Variants in SRPK2 observed in about 807,000 individuals in gnomAD.
SRPK2 encodes the protein SFRS protein kinase 2.
In SRPK2, 21 loss-of-function variants were observed where a neutral mutation model predicts 90.8. That is an observed-to-expected ratio of 0.23 (90% confidence interval 0.16 to 0.33). SRPK2 has a LOEUF of 0.33. Among genes scored for constraint, SRPK2 ranks in the 10% least tolerant of loss-of-function variants. The pLI is 1.00. For missense variants in SRPK2, 620 were observed against 869.0 expected (o/e 0.71, Z 3.60); for synonymous variants, 288 against 311.1 (o/e 0.93, Z 0.78).
intron 2 of SRPK2, among the ~76,000 whole-genome samples, chr7:105,305,003 T>C (rs1311213266): frequency 6.6e-6 from 1 of 152,230 alleles, no homozygotes; most frequent in African/African-American, 2.4e-5. Context: ...AACTATCCTC[T>C]AGTCTAAACT....
chr7:105,220,838 T>C (rs990622132), intron 2 of SRPK2, among the ~76,000 whole-genome samples: 6 of 152,208 alleles, frequency 3.9e-5, no homozygotes, highest in African/African-American at 1.4e-4. Context: ...GAAGCCATCT[T>C]GAATTGTTTA....
At chr7:105,304,775 A>AT (rs772154218) in intron 2 of SRPK2, among the ~76,000 whole-genome samples, 97 of 152,326 alleles carry the variant, frequency 6.4e-4, no homozygotes, top group Non-Finnish European at 1.1e-3. Context: ...GAAACAGATG[A>AT]TATATAGACA....
chr7:105,392,753 C>A (rs1328715872), upstream of SRPK2, among the ~76,000 whole-genome samples: 1 of 151,956 alleles, frequency 6.6e-6, no homozygotes, highest in Admixed American at 6.6e-5. Flanking sequence ...CTGCCTCTGC[C>A]TCCCTAAGTG....
chr7:105,203,301 T>G (rs1000921498), intron 3 of SRPK2, among the ~76,000 whole-genome samples: 8 of 152,168 alleles, frequency 5.3e-5, no homozygotes, highest in African/African-American at 1.9e-4. Flanking sequence ...GTGCTCCTTT[T>G]AGATGGTTTA....
At chr7:105,222,205 T>C (rs1236866740) in intron 2 of SRPK2, among the ~76,000 whole-genome samples, 1 of 152,226 alleles carries the variant, frequency 6.6e-6, no homozygotes, top group Non-Finnish European at 1.5e-5. Flanking sequence ...ATACACATTT[T>C]AAAACCAAAC....
chr7:105,360,472 G>T (rs1239449803), intron 2 of SRPK2, among the ~76,000 whole-genome samples: 1 of 152,128 alleles, frequency 6.6e-6, no homozygotes, highest in Non-Finnish European at 1.5e-5. Context: ...TCATAGCATC[G>T]ATGGTCTTTA....
chr7:105,392,754 T>C (rs1241217321), upstream of SRPK2, among the ~76,000 whole-genome samples: 1 of 152,040 alleles, frequency 6.6e-6, no homozygotes, highest in Non-Finnish European at 1.5e-5. Context: ...TGCCTCTGCC[T>C]CCCTAAGTGC....
At position 105,143,228 on chromosome 7, in the gene SRPK2, G is replaced by T; in HGVS notation, c.916C>A (p.Arg306=). ...TCTATTATTTTCCTTTCAGCTTCTC[G>T]CTCCAATTCTTCTATCTCCTGCAGG... is the stretch of plus-strand genomic sequence containing the variant. ...KRLQEIEELE[R]EAERKIIEEN... Residue 306 remains arginine, a synonymous_variant, in exon 10 of 16, where the codon CGA becomes AGA. Coordinates refer to ENST00000393651, the MANE Select transcript of SRPK2 (RefSeq NM_182692.3). 3 of 1,614,096 alleles carry T rather than the reference G, an allele frequency of 1.9e-6. No homozygotes were observed. Among genetic ancestry groups the T allele is most frequent in the Non-Finnish European group, 2.5e-6 (3 of 1,180,014 alleles).
At chr7:105,239,586 T>C (rs1027176617) in intron 2 of SRPK2, among the ~76,000 whole-genome samples, 3 of 152,188 alleles carry the variant, frequency 2.0e-5, no homozygotes, top group African/African-American at 7.2e-5. Flanking sequence ...AAATATATTG[T>C]TTCAAACATA....
In SRPK2 at chr7:105,117,987, T is replaced by C. The variant is rs1457290874; in HGVS notation, c.1951A>G (p.Ser651Gly). Residue 651 changes from serine (S) to glycine (G), a missense_variant, in exon 16 of 16, where the codon AGC becomes GGC. Ser to Gly is a moderately conservative substitution (Grantham distance 56, BLOSUM62 0). This residue lies in a region of SRPK2 where 71 missense variants were observed against 123.1 expected (regional missense o/e 0.58). Transcript: ENST00000393651. ...LRHITKLKPW[S>G]LFDVLVEKYG... ...TTTTCCACAAGTACATCAAAGAGGCTCCAGGGCTTCAGCTTGGTGATGTGT... is the reference window on the plus strand; with the variant it reads ...TTTTCCACAAGTACATCAAAGAGGCCCCAGGGCTTCAGCTTGGTGATGTGT... 6.2e-7 allele frequency: 1 copy of C among 1,614,042 alleles called. No homozygotes were observed. The highest frequency in any genetic ancestry group is 2.2e-5 in the East Asian group (1 of 44,894).
At chr7:105,127,174 A>G (rs1474925534) in intron 13 of SRPK2, 112 bp from the exon 14 acceptor site, 2 of 946,184 alleles carry the variant, frequency 2.1e-6, no homozygotes, top group Non-Finnish European at 3.2e-6. Context: ...ATCAAACAAA[A>G]TAGCCTCCTG....
At chr7:105,128,294 G>A (rs1801495061) in intron 13 of SRPK2, among the ~76,000 whole-genome samples, 1 of 152,200 alleles carries the variant, frequency 6.6e-6, no homozygotes, top group South Asian at 2.1e-4. Flanking sequence ...ACCTGGCATA[G>A]GTCTGAGCAA....
At chr7:105,274,608 G>A (rs1806245164) in intron 2 of SRPK2, among the ~76,000 whole-genome samples, 1 of 149,936 alleles carries the variant, frequency 6.7e-6, no homozygotes, top group African/African-American at 2.4e-5. Flanking sequence ...ACCACAGAGA[G>A]CCATCTATGT....
At chr7:105,176,272 ACATT>A (rs1304124704) in intron 3 of SRPK2, among the ~76,000 whole-genome samples, 1 of 152,206 alleles carries the variant, frequency 6.6e-6, no homozygotes, top group African/African-American at 2.4e-5. Flanking sequence ...ACAATATGAA[ACATT>A]CATTCTTGAT....
chr7:105,240,763 T>C (rs1392283336), intron 2 of SRPK2, among the ~76,000 whole-genome samples: 1 of 152,166 alleles, frequency 6.6e-6, no homozygotes, highest in Non-Finnish European at 1.5e-5. Flanking sequence ...TACCATCAAT[T>C]TTTTTCTGTT....
chr7:105,210,520 G>T (rs890404018), intron 2 of SRPK2, among the ~76,000 whole-genome samples: 2 of 152,180 alleles, frequency 1.3e-5, no homozygotes, highest in African/African-American at 4.8e-5. Flanking sequence ...TCGAACTTCA[G>T]ATAATTTCAT....
Position 105,302,338 on chromosome 7 carries a change from T to C in SRPK2, c.71+86310A>G, listed in dbSNP as rs1388892425. 3.3e-5 allele frequency among the ~76,000 whole-genome samples: 5 copies of C among 152,348 alleles called. No homozygotes were observed. The East Asian group carries it at 9.6e-4, about 29-fold the overall frequency. The stretch of plus-strand genomic sequence containing the variant: ...ACTTTATGAAGCCTCTTGAGCTTTG[T>C]AAATGGACAGGCATGTGGAATAAGA... On this transcript the variant is annotated intron_variant, in intron 2 of 15. Coordinates refer to ENST00000393651, the MANE Select transcript of SRPK2 (RefSeq NM_182692.3).
chr7:105,192,159 G>A (rs1394811309), intron 3 of SRPK2, among the ~76,000 whole-genome samples: 4 of 151,616 alleles, frequency 2.6e-5, no homozygotes, highest in South Asian at 4.2e-4. Context: ...ACCCATCACC[G>A]ATAGAGTATA....
intron 7 of SRPK2, among the ~76,000 whole-genome samples, chr7:105,154,308 A>C (rs902515129): frequency 6.6e-6 from 1 of 152,226 alleles, no homozygotes; most frequent in Non-Finnish European, 1.5e-5. Flanking sequence ...TCAAGGGCTC[A>C]ACATCCTGAG....
Sources: gnomAD v4.1 joint callset for allele counts (sites outside exome capture counted in the v4.1 genomes callset) on GRCh38, gnomAD v4.1.1 for gene constraint, gnomAD v4.1.1 regional missense constraint, MANE v1.5 for transcripts, NCBI Gene and HGNC (gene_info 2026-07-23, HGNC 2026-07-21) for gene names.